GHR: variants seen among roughly 807,000 people sequenced by gnomAD.
GHR encodes GH receptor.
Under a neutral mutation model 67.1 loss-of-function variants are expected in GHR, and 35 were observed. That is an observed-to-expected ratio of 0.52 (90% CI 0.40 to 0.69). GHR has a LOEUF of 0.69. Ranked by LOEUF, GHR falls within the 30% of genes least tolerant of loss-of-function variation. The pLI, the probability that GHR is intolerant of heterozygous loss-of-function variation, is 0.00. For synonymous variants in GHR, 272 were observed against 269.1 expected (o/e 1.01, Z -0.10); for missense variants, 792 against 764.6 (o/e 1.04, Z -0.42).
intron 2 of GHR, among the ~76,000 whole-genome samples, chr5:42,595,028 C>T (rs960773746): frequency 1.3e-5 from 2 of 152,122 alleles, no homozygotes; most frequent in Non-Finnish European, 2.9e-5. Context: ...TAAAAACTTA[C>T]AATCTAAGGC....
rs528933970 is a variant in GHR, at chr5:42,565,899, A to T, written c.25A>T (p.Thr9Ser). 1.9e-6 allele frequency: 3 copies of T among 1,613,892 alleles called. No homozygotes were observed. The highest frequency in any genetic ancestry group is 4.5e-5 in the East Asian group (2 of 44,886). MDLWQLLL[T>S]LALAGSSDAF... Reference sequence around the variant, plus strand: ...TATGGATCTCTGGCAGCTGCTGTTGACCTTGGCACTGGCAGGATCAAGTGA... The same window carrying T: ...TATGGATCTCTGGCAGCTGCTGTTGTCCTTGGCACTGGCAGGATCAAGTGA... The change falls in exon 2 of 10, where the codon ACC becomes TCC. Residue 9 changes from threonine (T) to serine (S), a missense_variant. Physicochemically the swap from Thr to Ser is moderately conservative, Grantham distance 58. Transcript: ENST00000230882.
chr5:42,680,782 G>A (rs995905538), intron 3 of GHR, among the ~76,000 whole-genome samples: 24 of 152,026 alleles, frequency 1.6e-4, no homozygotes, highest in Non-Finnish European at 3.2e-4. Flanking sequence ...TGGAATTACA[G>A]GTGTGAGCCA....
chr5:42,679,692 T>A (rs1756762558), intron 3 of GHR, among the ~76,000 whole-genome samples: 1 of 152,104 alleles, frequency 6.6e-6, no homozygotes, highest in African/African-American at 2.4e-5. Flanking sequence ...TGCCACTTAA[T>A]AACCAAGTGA....
chr5:42,455,349 G>A (rs1046337969), intron 1 of GHR, among the ~76,000 whole-genome samples: 2 of 152,074 alleles, frequency 1.3e-5, no homozygotes, highest in African/African-American at 4.8e-5. Flanking sequence ...TTCACAGTCT[G>A]AGTCTCCACA....
Position 42,629,112 on chromosome 5 carries a change from T to TTCAGTC in GHR, c.136+10_136+15dup, listed in dbSNP as rs1403422301. 2 of 1,259,122 alleles carry TTCAGTC rather than the reference T, an allele frequency of 1.6e-6. No individual in the cohort carries two copies. Among genetic ancestry groups the TTCAGTC allele is most frequent in the Non-Finnish European group, 2.3e-6 (2 of 886,994 alleles). 78.0% of individuals were successfully genotyped at this position (1,259,122 alleles called of 1,614,324 possible). A position where few individuals can be genotyped will look rare whatever the true frequency, so the allele number is the denominator to read the frequency against. On this transcript the variant is annotated intron_variant, in intron 3 of 9. Coordinates refer to ENST00000230882, the MANE Select transcript of GHR (RefSeq NM_000163.5). ...TCCAGGCCTAAAGACAAGTAAGAAT[T>TTCAGTC]TCAGTCCTTTTTCTTCCTTCAATGA...
At chr5:42,466,929 G>C in intron 1 of GHR, 1 of 1,522,444 alleles carries the variant, frequency 6.6e-7, no homozygotes, top group South Asian at 1.3e-5. Context: ...TGAGGTGTGA[G>C]TTGGAAATGA....
At chr5:42,650,576 A>ACATATAT (rs1238563261) in intron 3 of GHR, among the ~76,000 whole-genome samples, 11 of 53,400 alleles carry the variant, frequency 2.1e-4, no homozygotes, top group African/African-American at 8.5e-4. Flanking sequence ...TTTTACAGAT[A>ACATATAT]ACATATATAT....
At chr5:42,484,723 T>C (rs759225046) in intron 1 of GHR, among the ~76,000 whole-genome samples, 1 of 152,220 alleles carries the variant, frequency 6.6e-6, no homozygotes, top group Non-Finnish European at 1.5e-5. Flanking sequence ...ATATGAATTT[T>C]ACTTTGAGAA....
intron 3 of GHR, among the ~76,000 whole-genome samples, chr5:42,685,136 C>T (rs1329239809): frequency 1.3e-5 from 2 of 152,056 alleles, no homozygotes; most frequent in African/African-American, 4.8e-5. Flanking sequence ...AAGTTCCCCT[C>T]CCTGTGTATG....
At chr5:42,692,530 T>A (rs1757467012) in intron 4 of GHR, among the ~76,000 whole-genome samples, 1 of 152,200 alleles carries the variant, frequency 6.6e-6, no homozygotes, top group Non-Finnish European at 1.5e-5. Context: ...ATATAAGTTA[T>A]AAATATTTAT....
At chr5:42,699,711 A>G in intron 5 of GHR, 113 bp from the exon 6 acceptor site, 1 of 767,918 alleles carries the variant, frequency 1.3e-6, no homozygotes, top group East Asian at 2.5e-5. Flanking sequence ...TGGAAGAAAT[A>G]AGAGCATGAA....
At chr5:42,698,650 C>A (rs978593350) in intron 5 of GHR, among the ~76,000 whole-genome samples, 4 of 152,168 alleles carry the variant, frequency 2.6e-5, no homozygotes, top group Non-Finnish European at 4.4e-5. Flanking sequence ...GAGCTTCCCT[C>A]TTTGGCCAAC....
At chr5:42,575,996 T>G (rs914073452) in intron 2 of GHR, among the ~76,000 whole-genome samples, 1 of 149,396 alleles carries the variant, frequency 6.7e-6, no homozygotes, top group Non-Finnish European at 1.5e-5. Flanking sequence ...GTGGTGCCAC[T>G]GCACTCCAGC....
chr5:42,536,832 T>C (rs1274956644), intron 1 of GHR, among the ~76,000 whole-genome samples: 2 of 152,104 alleles, frequency 1.3e-5, no homozygotes, highest in Non-Finnish European at 1.5e-5. Context: ...ACCATTTCCA[T>C]CTCACTGCTT....
At chr5:42,439,521 T>C (rs537946608) in intron 1 of GHR, among the ~76,000 whole-genome samples, 5 of 152,346 alleles carry the variant, frequency 3.3e-5, no homozygotes, top group African/African-American at 1.2e-4. Context: ...ACTTGGACTT[T>C]GATTAATATC....
intron 3 of GHR, among the ~76,000 whole-genome samples, chr5:42,654,296 G>A (rs922157163): frequency 6.6e-6 from 1 of 152,050 alleles, no homozygotes; most frequent in South Asian, 2.1e-4. Flanking sequence ...AGCATTAAAC[G>A]TCTCTATTTA....
chr5:42,488,324 G>A (rs1002091628), intron 1 of GHR, among the ~76,000 whole-genome samples: 1 of 152,134 alleles, frequency 6.6e-6, no homozygotes, highest in Non-Finnish European at 1.5e-5. Context: ...CCAGGATATA[G>A]GTAACATTTT....
At chr5:42,482,686 G>A (rs1745703440) in intron 1 of GHR, among the ~76,000 whole-genome samples, 1 of 152,210 alleles carries the variant, frequency 6.6e-6, no homozygotes, top group Non-Finnish European at 1.5e-5. Flanking sequence ...CGAGCCAGGT[G>A]CGGGATATAA....
chr5:42,598,834 T>A (rs1014884388), intron 2 of GHR, among the ~76,000 whole-genome samples: 1 of 152,178 alleles, frequency 6.6e-6, no homozygotes, highest in Non-Finnish European at 1.5e-5. Flanking sequence ...AAATTTGGAA[T>A]ACACACAGTC....
Sources: gnomAD v4.1 joint callset for allele counts (sites outside exome capture counted in the v4.1 genomes callset) on GRCh38, gnomAD v4.1.1 for gene constraint, MANE v1.5 for transcripts, NCBI Gene and HGNC (gene_info 2026-07-23, HGNC 2026-07-21) for gene names.